Variants in TPRG1 observed in about 807,000 individuals in gnomAD.
TPRG1 encodes the protein tumor protein p63-regulated gene 1 protein.
In TPRG1, 29 loss-of-function variants were observed where a neutral mutation model predicts 29.3. The observed-to-expected ratio is 0.99, with a 90% CI of 0.74 to 1.35. TPRG1 has a LOEUF of 1.35. TPRG1 is among the 40% of genes most tolerant of loss of function. The pLI is 0.00. For missense variants in TPRG1, 327 were observed against 335.0 expected (o/e 0.98, Z 0.19); for synonymous variants, 130 against 116.8 (o/e 1.11, Z -0.73).
chr3:189,156,479 C>T (rs765673808), intron 5 of TPRG1, among the ~76,000 whole-genome samples: 3 of 152,106 alleles, frequency 2.0e-5, no homozygotes, highest in Non-Finnish European at 4.4e-5. Flanking sequence ...ATGGATGAGA[C>T]GCAGAGAGGG....
At chr3:189,187,138 C>G (rs1160403580) in intron 1 of TPRG1, among the ~76,000 whole-genome samples, 2 of 151,812 alleles carry the variant, frequency 1.3e-5, no homozygotes, top group Non-Finnish European at 2.9e-5. Flanking sequence ...AGATTCGCAC[C>G]ACCACACTTG....
At chr3:189,082,169 A>G (rs1231269363) in intron 4 of TPRG1, among the ~76,000 whole-genome samples, 1 of 152,216 alleles carries the variant, frequency 6.6e-6, no homozygotes, top group Non-Finnish European at 1.5e-5. Flanking sequence ...TGTGTCTTCA[A>G]CGTGTAAAGA....
At chr3:189,197,009 A>C (rs1578770694) in intron 1 of TPRG1, among the ~76,000 whole-genome samples, 1 of 152,166 alleles carries the variant, frequency 6.6e-6, no homozygotes, top group Admixed American at 6.5e-5. Context: ...TGGTTGTGGA[A>C]TGTTTGTTCT....
At chr3:189,285,062 G>A (rs1717822743) in intron 4 of TPRG1, among the ~76,000 whole-genome samples, 1 of 152,046 alleles carries the variant, frequency 6.6e-6, no homozygotes, top group South Asian at 2.1e-4. Context: ...CTAATATCCA[G>A]AATCTACAAT....
chr3:189,179,140 AT>A (rs1382008863), intron 1 of TPRG1, among the ~76,000 whole-genome samples: 1 of 152,156 alleles, frequency 6.6e-6, no homozygotes, highest in African/African-American at 2.4e-5. Context: ...ATATATCCTT[AT>A]GCTGTCTGAT....
At chr3:189,179,905 C>G (rs1340528101) in intron 1 of TPRG1, among the ~76,000 whole-genome samples, 1 of 152,156 alleles carries the variant, frequency 6.6e-6, no homozygotes, top group Non-Finnish European at 1.5e-5. Context: ...CTTTTTCACA[C>G]TGCTGGTAAA....
intron 3 of TPRG1, among the ~76,000 whole-genome samples, chr3:189,132,859 A>C (rs1412871810): frequency 5.9e-5 from 9 of 152,148 alleles, no homozygotes; most frequent in African/African-American, 1.9e-4. Flanking sequence ...TCCTCAAATA[A>C]TGTAAGTTAG....
intron 4 of TPRG1, among the ~76,000 whole-genome samples, chr3:189,245,367 C>A (rs549238533): frequency 1.3e-5 from 2 of 152,146 alleles, no homozygotes; most frequent in Middle Eastern, 3.4e-3. Context: ...CTTTTAAGTA[C>A]TACTTTTGCT....
chr3:189,254,923 C>A (rs1382752278), intron 4 of TPRG1, among the ~76,000 whole-genome samples: 2 of 152,158 alleles, frequency 1.3e-5, no homozygotes, highest in Admixed American at 6.5e-5. Flanking sequence ...AGTTTTGGGG[C>A]TGAGAAGATG....
chr3:189,190,551 C>T (rs1731536858), intron 1 of TPRG1, among the ~76,000 whole-genome samples: 1 of 152,190 alleles, frequency 6.6e-6, no homozygotes, highest in Non-Finnish European at 1.5e-5. Flanking sequence ...CCAGCAGCCT[C>T]TGCACAGAAA....
chr3:189,263,673 G>A (rs1713542849), intron 4 of TPRG1, among the ~76,000 whole-genome samples: 1 of 152,168 alleles, frequency 6.6e-6, no homozygotes, highest in Non-Finnish European at 1.5e-5. Flanking sequence ...TATCTCTCAG[G>A]ATAATTACTT....
intron 3 of TPRG1, among the ~76,000 whole-genome samples, chr3:189,218,563 T>C (rs560516660): frequency 4.6e-5 from 7 of 152,362 alleles, no homozygotes; most frequent in African/African-American, 1.7e-4. Context: ...AGGATTCCCA[T>C]TTCAGAATGA....
chr3:189,312,624 A>T (rs1577041653), intron 5 of TPRG1, among the ~76,000 whole-genome samples: 1 of 152,306 alleles, frequency 6.6e-6, no homozygotes, highest in East Asian at 1.9e-4. Context: ...AGCGTGAGGA[A>T]TTAAAGAACA....
chr3:189,231,693 C>G (rs1206386730), intron 3 of TPRG1, among the ~76,000 whole-genome samples: 2 of 152,156 alleles, frequency 1.3e-5, no homozygotes, highest in Non-Finnish European at 2.9e-5. Context: ...TAGTAGGTGG[C>G]AGAGCTGCAT....
At chr3:189,214,942 A>C (rs994457404) in intron 2 of TPRG1, among the ~76,000 whole-genome samples, 1 of 141,456 alleles carries the variant, frequency 7.1e-6, no homozygotes, top group Non-Finnish European at 1.5e-5. Flanking sequence ...TGCTCTAGGA[A>C]GAGAAAAAAG....
At chr3:189,195,049 C>A (rs963757495) in intron 1 of TPRG1, among the ~76,000 whole-genome samples, 1 of 152,138 alleles carries the variant, frequency 6.6e-6, no homozygotes, top group African/African-American at 2.4e-5. Context: ...ACTATGTAAG[C>A]CCAACCCTGA....
At chr3:189,158,026 C>T (rs1330188936) in intron 5 of TPRG1, among the ~76,000 whole-genome samples, 1 of 152,198 alleles carries the variant, frequency 6.6e-6, no homozygotes, top group Non-Finnish European at 1.5e-5. Flanking sequence ...TATGTCGCAT[C>T]ATTCTTTTGC....
At chr3:189,135,354 A>G (rs1723618592) in intron 3 of TPRG1, among the ~76,000 whole-genome samples, 1 of 152,206 alleles carries the variant, frequency 6.6e-6, no homozygotes, top group African/African-American at 2.4e-5. Flanking sequence ...ACATCTTCAC[A>G]TGCTTCCCTC....
intron 4 of TPRG1, among the ~76,000 whole-genome samples, chr3:189,279,868 G>T (rs1195166089): frequency 6.6e-6 from 1 of 152,146 alleles, no homozygotes; most frequent in Non-Finnish European, 1.5e-5. Context: ...TCTCTAATAA[G>T]ATGTTTATGA....
Sources: allele counts gnomAD v4.1 joint callset (sites outside exome capture counted in the v4.1 genomes callset), GRCh38; gene constraint gnomAD v4.1.1; transcripts MANE v1.5; gene names NCBI Gene and HGNC (gene_info 2026-07-23, HGNC 2026-07-21).